Variants in PRKCE observed in about 807,000 individuals in gnomAD.
PRKCE encodes the protein protein kinase C epsilon, also known as protein kinase C epsilon type.
In PRKCE, 16 loss-of-function variants were observed where a neutral mutation model predicts 85.4. The observed-to-expected ratio is 0.19, with a 90% CI of 0.13 to 0.28. The LOEUF is 0.28. Ranked by LOEUF, PRKCE falls within the 10% of genes least tolerant of loss-of-function variation. The pLI is 1.00. For synonymous variants in PRKCE, 388 were observed against 371.5 expected (o/e 1.04, Z -0.51); for missense variants, 573 against 975.2 (o/e 0.59, Z 5.49).
At chr2:45,776,146 G>A (rs759143617) in intron 1 of PRKCE, among the ~76,000 whole-genome samples, 27 of 152,202 alleles carry the variant, frequency 1.8e-4, no homozygotes, top group Non-Finnish European at 2.8e-4. Context: ...TTTACTTATG[G>A]AGTTGAAGAG....
chr2:45,945,809 C>T (rs927009701), intron 2 of PRKCE, among the ~76,000 whole-genome samples: 2 of 152,246 alleles, frequency 1.3e-5, no homozygotes, highest in African/African-American at 4.8e-5. Flanking sequence ...CTTTATACAA[C>T]CCCTTGACAG....
chr2:46,029,441 G>A (rs1295068100), intron 10 of PRKCE, among the ~76,000 whole-genome samples: 4 of 152,246 alleles, frequency 2.6e-5, no homozygotes, highest in South Asian at 2.1e-4. Flanking sequence ...TGACACCGGG[G>A]TGAACAGCAG....
intron 2 of PRKCE, among the ~76,000 whole-genome samples, chr2:45,950,842 C>T (rs1700570190): frequency 6.6e-6 from 1 of 152,110 alleles, no homozygotes; most frequent in Admixed American, 6.5e-5. Flanking sequence ...TACTGGTGTT[C>T]CTAGAGGACC....
intron 10 of PRKCE, among the ~76,000 whole-genome samples, chr2:46,016,643 T>C (rs1225161018): frequency 6.6e-6 from 1 of 152,164 alleles, no homozygotes; most frequent in African/African-American, 2.4e-5. Context: ...GTGCAGTGGC[T>C]CATGCCTGTA....
chr2:45,954,005 A>G (rs1208560591), intron 2 of PRKCE, among the ~76,000 whole-genome samples: 5 of 152,232 alleles, frequency 3.3e-5, no homozygotes, highest in Admixed American at 2.0e-4. Context: ...CCCTACTGCA[A>G]TCTTATCTAG....
intron 2 of PRKCE, among the ~76,000 whole-genome samples, chr2:45,951,354 G>A (rs574296340): frequency 1.3e-5 from 2 of 152,316 alleles, no homozygotes; most frequent in Non-Finnish European, 2.9e-5. Context: ...AGGAAGTCGT[G>A]TTTCCAGTCA....
At chr2:46,119,851 G>T (rs955800492) in intron 11 of PRKCE, among the ~76,000 whole-genome samples, 1 of 152,178 alleles carries the variant, frequency 6.6e-6, no homozygotes, top group East Asian at 1.9e-4. Context: ...CTCAACTCCC[G>T]TTGCTAGAAT....
At chr2:46,158,513 C>G (rs2104572359) in intron 13 of PRKCE, among the ~76,000 whole-genome samples, 1 of 152,304 alleles carries the variant, frequency 6.6e-6, no homozygotes, top group East Asian at 1.9e-4. Flanking sequence ...CACTCTTTAT[C>G]TGGGGCTGCC....
At chr2:46,113,288 C>G (rs1394321434) in intron 11 of PRKCE, among the ~76,000 whole-genome samples, 1 of 152,222 alleles carries the variant, frequency 6.6e-6, no homozygotes, top group Non-Finnish European at 1.5e-5. Flanking sequence ...ATGCAGAACT[C>G]TAAAGTCAGA....
At chr2:46,002,628 C>T (rs1482690841) in intron 7 of PRKCE, among the ~76,000 whole-genome samples, 1 of 152,184 alleles carries the variant, frequency 6.6e-6, no homozygotes, top group Non-Finnish European at 1.5e-5. Context: ...ATTCTCTTCT[C>T]TCTGGTTGAG....
intron 1 of PRKCE, among the ~76,000 whole-genome samples, chr2:45,683,140 G>T (rs1176472880): frequency 6.6e-6 from 1 of 152,168 alleles, no homozygotes; most frequent in Admixed American, 6.5e-5. Context: ...GCCAAGCGTT[G>T]GTTGAAATGT....
chr2:45,772,502 A>G (rs961958907), intron 1 of PRKCE, among the ~76,000 whole-genome samples: 1 of 152,198 alleles, frequency 6.6e-6, no homozygotes, highest in Non-Finnish European at 1.5e-5. Flanking sequence ...TCAGCTTGCC[A>G]TGATATTCAT....
chr2:45,920,562 A>G (rs1023641973), intron 2 of PRKCE, among the ~76,000 whole-genome samples: 1 of 152,242 alleles, frequency 6.6e-6, no homozygotes, highest in Non-Finnish European at 1.5e-5. Context: ...GTTGAGCCAT[A>G]AAAAGGAATG....
chr2:45,841,296 T>C (rs1161498591), intron 1 of PRKCE, among the ~76,000 whole-genome samples: 2 of 152,196 alleles, frequency 1.3e-5, no homozygotes, highest in Non-Finnish European at 2.9e-5. Context: ...AGGAAGCCAG[T>C]CCGTGTCCGA....
At chr2:45,704,263 A>T (rs767855014) in intron 1 of PRKCE, among the ~76,000 whole-genome samples, 3 of 152,190 alleles carry the variant, frequency 2.0e-5, no homozygotes, top group Non-Finnish European at 2.9e-5. Context: ...TTGGCTTAGT[A>T]TGTTGGGGTT....
chr2:45,716,378 G>A (rs981530598), intron 1 of PRKCE, among the ~76,000 whole-genome samples: 4 of 152,060 alleles, frequency 2.6e-5, no homozygotes, highest in African/African-American at 7.2e-5. Context: ...TTAGCCAGGC[G>A]TGGTGTCGCA....
intron 2 of PRKCE, among the ~76,000 whole-genome samples, chr2:45,886,137 T>C (rs570864384): frequency 3.5e-4 from 54 of 152,370 alleles, no homozygotes; most frequent in African/African-American, 1.2e-3. Flanking sequence ...CCATGGGCTC[T>C]GGGCTTGCTT....
intron 10 of PRKCE, among the ~76,000 whole-genome samples, chr2:46,083,787 T>C (rs1669326555): frequency 6.6e-6 from 1 of 152,200 alleles, no homozygotes; most frequent in Admixed American, 6.5e-5. Flanking sequence ...TCCATGTGAT[T>C]CTAATGCACA....
intron 1 of PRKCE, among the ~76,000 whole-genome samples, chr2:45,693,265 A>C (rs970917122): frequency 2.0e-5 from 3 of 152,176 alleles, no homozygotes; most frequent in Admixed American, 2.0e-4. Flanking sequence ...GTAAACTTGA[A>C]AGGAAGATAA....
Sources: gnomAD v4.1 joint callset for allele counts (sites outside exome capture counted in the v4.1 genomes callset) on GRCh38, gnomAD v4.1.1 for gene constraint, MANE v1.5 for transcripts, NCBI Gene and HGNC (gene_info 2026-07-23, HGNC 2026-07-21) for gene names.